KMT5B: variants seen among roughly 807,000 people sequenced by gnomAD.
KMT5B encodes histone-lysine N-methyltransferase KMT5B.
In KMT5B, 10 loss-of-function variants were observed where a neutral mutation model predicts 83.2. The observed-to-expected ratio is 0.12, with a 90% CI of 0.07 to 0.20. KMT5B has a LOEUF of 0.20. KMT5B is among the 10% of genes least tolerant of loss of function. KMT5B has a pLI of 1.00. For synonymous variants in KMT5B, 349 were observed against 388.8 expected (o/e 0.90, Z 1.20); for missense variants, 753 against 1,067.2 (o/e 0.71, Z 4.10).
rs71040600 is a variant in KMT5B at position 68,191,173 on chromosome 11, T to TTGTGTGTGTGTGTGTGTG, written c.-76-1039_-76-1022dup. Among the ~76,000 whole-genome samples, 682 of 139,260 alleles carry TTGTGTGTGTGTGTGTGTG rather than the reference T, an allele frequency of 4.9e-3. 8 individuals carry two copies. The highest frequency in any genetic ancestry group is 9.5e-3 in the South Asian group (39 of 4,120). 91.4% of individuals were successfully genotyped at this position (139,260 alleles called of 152,430 possible). ...ACCACATCCAGTTAATTTTAAAACTTTGTGTGTGTGTGTGTGTGTGTGTGT... is the reference window on the plus strand; with the variant it reads ...ACCACATCCAGTTAATTTTAAAACTTTGTGTGTGTGTGTGTGTGTGTGTGTGTGTGTGTGTGTGTGTGT... On this transcript the variant is annotated intron_variant, in intron 1 of 10. Transcript: ENST00000304363.
In KMT5B at chr11:68,179,915, T is replaced by C. The variant is rs1011715255; in HGVS notation, c.377+217A>G. ...AATCACATGGAGTGACTCCTGATCT[T>C]TTGAAGAATGATTTGTTTCTCTTAA... On this transcript the variant is annotated intron_variant, in intron 4 of 10. Transcript: ENST00000304363. The C allele has an allele frequency of 1.4e-4, 77 of 540,556 alleles. 1 individual carries two copies. In the Admixed American group the frequency reaches 2.5e-3, roughly 17 times the overall value. 33.5% of individuals were successfully genotyped at this position (540,556 alleles called of 1,614,324 possible). A position where few individuals can be genotyped will look rare whatever the true frequency, so the allele number is the denominator to read the frequency against.
chr11:68,189,999 CTGA>C lies in KMT5B; in HGVS notation c.75_77del (p.His25del). Reference sequence around the variant, plus strand: ...TGTGCTGTAATTTTGATTGATTCTGCTGATGGTCATTAGACAACTTGCCTCCAT... The same window carrying C: ...TGTGCTGTAATTTTGATTGATTCTGCTGGTCATTAGACAACTTGCCTCCAT... On this transcript the variant is annotated inframe_deletion, in exon 2 of 11. Transcript: ENST00000304363. 1 of 1,614,102 alleles carries C rather than the reference CTGA, an allele frequency of 6.2e-7. No individual in the cohort carries two copies. Among genetic ancestry groups the C allele is most frequent in the Non-Finnish European group, 8.5e-7 (1 of 1,179,994 alleles).
intron 10 of KMT5B, among the ~76,000 whole-genome samples, chr11:68,162,623 A>G (rs575777735): frequency 6.6e-6 from 1 of 152,206 alleles, no homozygotes; most frequent in Admixed American, 6.5e-5. Context: ...GGCTCTCCCC[A>G]TCCCATCCCT....
intron 1 of KMT5B, among the ~76,000 whole-genome samples, chr11:68,203,085 C>T (rs1345850215): frequency 6.6e-6 from 1 of 152,098 alleles, no homozygotes; most frequent in African/African-American, 2.4e-5. Context: ...CAGGGATTCT[C>T]CTGCCTCAGC....
chr11:68,157,442 T>C lies in KMT5B; in HGVS notation c.*246A>G, dbSNP rs1206597068. 2.4e-6 allele frequency: 1 copy of C among 414,862 alleles called. No individual in the cohort carries two copies. Among genetic ancestry groups the C allele is most frequent in the Non-Finnish European group, 3.8e-6 (1 of 260,742 alleles). 25.7% of individuals were successfully genotyped at this position (414,862 alleles called of 1,614,324 possible). ...CTGTACAATTTTGCTTGAGCCTTTA[T>C]TTTACAACAGGGCTTTACCTCTAAC... On this transcript the variant is annotated 3_prime_UTR_variant, in exon 11 of 11. Transcript: ENST00000304363.
chr11:68,188,522 T>A (rs78341075), intron 2 of KMT5B, among the ~76,000 whole-genome samples: 1,735 of 152,152 alleles, frequency 0.011, 22 homozygotes, highest in Non-Finnish European at 0.019. Flanking sequence ...AATTTTTTTG[T>A]AGACACGGTA....
At chr11:68,172,037 A>G (rs955345539) in intron 6 of KMT5B, among the ~76,000 whole-genome samples, 1 of 152,048 alleles carries the variant, frequency 6.6e-6, no homozygotes, top group Non-Finnish European at 1.5e-5. Context: ...GCAATGAATT[A>G]AACTTTCTGA....
intron 1 of KMT5B, among the ~76,000 whole-genome samples, chr11:68,200,544 A>G (rs1358702637): frequency 6.6e-6 from 1 of 152,218 alleles, no homozygotes; most frequent in Non-Finnish European, 1.5e-5. Context: ...GCAGAGGGCA[A>G]TATCAGGAAC....
rs1859214486 is a variant in KMT5B, at chr11:68,155,322, G to C, written c.*2366C>G. The C allele has an allele frequency of 6.6e-6, 1 of 152,146 alleles. No individual in the cohort carries two copies. Among genetic ancestry groups the C allele is most frequent in the African/African-American group, 2.4e-5 (1 of 41,430 alleles). The allele number at this position is 152,146 out of a possible 1,614,324, so 9.4% of individuals were successfully genotyped here. A position where few individuals can be genotyped will look rare whatever the true frequency, so the allele number is the denominator to read the frequency against. ...GTTTCCCTAGAAGGCATCAACAGTG[G>C]CTGCTGAGTGCTTGTGCATACCGAC... On this transcript the variant is annotated 3_prime_UTR_variant, in exon 11 of 11. Transcript: ENST00000304363.
Position 68,157,688 on chromosome 11 carries a change from T to C in KMT5B, c.2658A>G (p.Ter886=). Residue 886 remains the stop codon, a stop_retained_variant, in exon 11 of 11, where the codon TAA becomes TAG. Transcript: ENST00000304363. ...REDQSLRLNA[*] The stretch of plus-strand genomic sequence containing the variant: ...CCCAGGTCAAGTTAAGACCAAGAGC[T>C]TAGGCATTAAGCCTTAAAGACTGAT... 6.5e-7 allele frequency: 1 copy of C among 1,549,386 alleles called. No homozygotes were observed. The highest frequency in any genetic ancestry group is 2.3e-5 in the East Asian group (1 of 44,182).
At chr11:68,209,981 C>T (rs1415464546) in intron 1 of KMT5B, among the ~76,000 whole-genome samples, 3 of 151,982 alleles carry the variant, frequency 2.0e-5, no homozygotes, top group Admixed American at 2.0e-4. Context: ...ATTCTCCTGC[C>T]TCAACCTCCG....
chr11:68,204,611 G>GTTA, intron 1 of KMT5B, among the ~76,000 whole-genome samples: 1 of 106,158 alleles, frequency 9.4e-6, no homozygotes, highest in East Asian at 3.1e-4. Context: ...TAAATTTCCG[G>GTTA]TTTTTTTTTT....
chr11:68,201,227 C>G (rs759095477), intron 1 of KMT5B, among the ~76,000 whole-genome samples: 1 of 152,198 alleles, frequency 6.6e-6, no homozygotes, highest in Admixed American at 6.5e-5. Context: ...CCAGTGCTAC[C>G]GTTGCTGGGG....
Position 68,179,382 on chromosome 11 carries a change from C to T in KMT5B, c.377+750G>A, listed in dbSNP as rs1856698698. On this transcript the variant is annotated intron_variant, in intron 4 of 10. Coordinates refer to ENST00000304363, the MANE Select transcript of KMT5B (RefSeq NM_017635.5). Reference sequence around the variant, plus strand: ...CTCTTTTTACACTTCCAATCAATGGCTGGTATAAGAAAAATAAAAATGTCA... The same window carrying T: ...CTCTTTTTACACTTCCAATCAATGGTTGGTATAAGAAAAATAAAAATGTCA... 1.8e-5 allele frequency: 21 copies of T among 1,168,550 alleles called. No individual in the cohort carries two copies. In the South Asian group the frequency reaches 2.7e-4, roughly 15 times the overall value. The allele number at this position is 1,168,550 out of a possible 1,614,324, so 72.4% of individuals were successfully genotyped here. A position where few individuals can be genotyped will look rare whatever the true frequency, so the allele number is the denominator to read the frequency against.
chr11:68,158,680 G>A lies in KMT5B; in HGVS notation c.1666C>T (p.Leu556Phe). Residue 556 changes from leucine (L) to phenylalanine (F), a missense_variant, in exon 11 of 11, where the codon CTT becomes TTT. Physicochemically the swap from Leu to Phe is conservative, Grantham distance 22. Coordinates refer to ENST00000304363, the MANE Select transcript of KMT5B (RefSeq NM_017635.5). ...TNLKEASDIKLEPNTLNGYKS... is the reference protein window; with the variant it reads ...TNLKEASDIKFEPNTLNGYKS... ...TAGCCATTCAACGTATTTGGTTCAA[G>A]CTTGATGTCAGAGGCCTCCTTCAGA... is the stretch of plus-strand genomic sequence containing the variant. 6.2e-7 allele frequency: 1 copy of A among 1,614,104 alleles called. No individual in the cohort carries two copies. The highest frequency in any genetic ancestry group is 1.1e-5 in the South Asian group (1 of 91,074).
intron 1 of KMT5B, among the ~76,000 whole-genome samples, chr11:68,207,334 G>A (rs908995787): frequency 1.3e-5 from 2 of 152,036 alleles, no homozygotes; most frequent in African/African-American, 4.8e-5. Context: ...TGGTCAAACA[G>A]ATTATTTTCA....
intron 3 of KMT5B, among the ~76,000 whole-genome samples, chr11:68,181,502 C>T (rs572732514): frequency 2.3e-4 from 35 of 152,202 alleles, no homozygotes; most frequent in African/African-American, 7.7e-4. Flanking sequence ...GAACAAAGAG[C>T]GCACTATACA....
At chr11:68,177,404 T>G (rs1856486733) in intron 4 of KMT5B, among the ~76,000 whole-genome samples, 1 of 152,086 alleles carries the variant, frequency 6.6e-6, no homozygotes, top group South Asian at 2.1e-4. Context: ...CAAGCTGGAT[T>G]CAAAGAGTTG....
intron 1 of KMT5B, among the ~76,000 whole-genome samples, chr11:68,211,527 G>C (rs1304936158): frequency 6.6e-6 from 1 of 152,144 alleles, no homozygotes; most frequent in African/African-American, 2.4e-5. Context: ...AAACTATTAA[G>C]CTTGACAACT....
Sources: gnomAD v4.1 joint callset for allele counts (sites outside exome capture counted in the v4.1 genomes callset) on GRCh38, gnomAD v4.1.1 for gene constraint, MANE v1.5 for transcripts, NCBI Gene and HGNC (gene_info 2026-07-23, HGNC 2026-07-21) for gene names.